TBC1D22A: variants seen among roughly 807,000 people sequenced by gnomAD.
The protein encoded by TBC1D22A is TBC1 domain family member 22A.
In TBC1D22A, 38 loss-of-function variants were observed where a neutral mutation model predicts 60.2. The observed-to-expected ratio is 0.63, with a 90% CI of 0.49 to 0.83. The LOEUF (loss-of-function observed/expected upper bound fraction) is 0.83. Ranked by LOEUF, TBC1D22A falls within the 40% of genes least tolerant of loss-of-function variation. The probability of loss-of-function intolerance (pLI) is 0.00; values close to 1 mark genes in which losing one functional copy is unlikely to be tolerated. For missense variants in TBC1D22A, 628 were observed against 701.0 expected, an observed-to-expected ratio of 0.90 and a Z score of 1.18; for synonymous variants, 302 against 281.7, an observed-to-expected ratio of 1.07 and a Z score of -0.72.
At chr22:47,060,203 C>T (rs570053304) in intron 11 of TBC1D22A, among the ~76,000 whole-genome samples, 4 of 151,834 alleles carry the variant, frequency 2.6e-5, no homozygotes, top group African/African-American at 7.3e-5. Context: ...TCAGGCCTCC[C>T]TTCAGCCTCT....
intron 7 of TBC1D22A, among the ~76,000 whole-genome samples, chr22:46,897,916 C>T (rs949573640): frequency 1.4e-4 from 21 of 151,570 alleles, no homozygotes; most frequent in African/African-American, 4.8e-4. Flanking sequence ...TAAAAAAAAA[C>T]TTTAGGATTG....
chr22:46,979,555 C>CT (rs2074432362), intron 9 of TBC1D22A, among the ~76,000 whole-genome samples: 1 of 152,212 alleles, frequency 6.6e-6, no homozygotes, highest in African/African-American at 2.4e-5. Flanking sequence ...TTTCCGTGTT[C>CT]TTCCACGTGT....
intron 8 of TBC1D22A, among the ~76,000 whole-genome samples, chr22:46,937,563 T>C (rs1264203578): frequency 1.3e-5 from 2 of 152,112 alleles, no homozygotes; most frequent in Non-Finnish European, 2.9e-5. Flanking sequence ...ATAATCGTTA[T>C]TTTAGAATGT....
At chr22:47,173,453 C>T (rs1478389878) in intron 12 of TBC1D22A, 45 bp from the exon 13 acceptor site, 1 of 1,606,140 alleles carries the variant, frequency 6.2e-7, no homozygotes, top group Admixed American at 1.7e-5. Flanking sequence ...CCGCCCTCCA[C>T]CGTGGGTCAC....
chr22:47,000,836 G>GA (rs55692041), intron 10 of TBC1D22A, among the ~76,000 whole-genome samples: 64 of 141,216 alleles, frequency 4.5e-4, no homozygotes, highest in South Asian at 6.9e-4. Flanking sequence ...AAAGCAAAAA[G>GA]AAAAAAAAAA....
At chr22:47,080,101 T>G (rs941663380) in intron 11 of TBC1D22A, among the ~76,000 whole-genome samples, 1 of 152,336 alleles carries the variant, frequency 6.6e-6, no homozygotes, top group Middle Eastern at 3.4e-3. Context: ...CCTAAATGTG[T>G]TAACAGGACT....
intron 8 of TBC1D22A, among the ~76,000 whole-genome samples, chr22:46,937,941 T>C (rs1342539146): frequency 6.6e-6 from 1 of 152,236 alleles, no homozygotes; most frequent in East Asian, 1.9e-4. Flanking sequence ...ATCTGAGTTT[T>C]AAACTAAGTA....
intron 11 of TBC1D22A, among the ~76,000 whole-genome samples, chr22:47,103,907 CATT>C (rs1352108604): frequency 6.6e-6 from 1 of 152,084 alleles, no homozygotes; most frequent in Non-Finnish European, 1.5e-5. Flanking sequence ...TTTGGGATAA[CATT>C]ATATGACAAA....
intron 6 of TBC1D22A, 89 bp downstream of exon 6, chr22:46,891,483 G>T: frequency 1.4e-6 from 2 of 1,421,438 alleles, no homozygotes; most frequent in Non-Finnish European, 1.9e-6. Flanking sequence ...AAAACCATGT[G>T]GAGTTGGTCA....
chr22:47,048,132 G>A (rs564319602), intron 11 of TBC1D22A, among the ~76,000 whole-genome samples: 1 of 152,218 alleles, frequency 6.6e-6, no homozygotes, highest in Non-Finnish European at 1.5e-5. Context: ...CGGTTCCTGG[G>A]ACTCAGCTCT....
intron 12 of TBC1D22A, among the ~76,000 whole-genome samples, chr22:47,148,115 T>C (rs1315051948): frequency 6.6e-6 from 1 of 151,774 alleles, no homozygotes; most frequent in Non-Finnish European, 1.5e-5. Context: ...TGATGAAAAA[T>C]GAAGCATCTC....
chr22:46,851,800 ACGGCT>A (rs1184699119), intron 4 of TBC1D22A, among the ~76,000 whole-genome samples: 3 of 152,248 alleles, frequency 2.0e-5, no homozygotes, highest in Admixed American at 6.5e-5. Flanking sequence ...GAAGGGGTAC[ACGGCT>A]CAGCATACAG....
intron 8 of TBC1D22A, among the ~76,000 whole-genome samples, chr22:46,936,583 C>T (rs1403187565): frequency 1.3e-5 from 2 of 152,258 alleles, no homozygotes; most frequent in Non-Finnish European, 2.9e-5. Context: ...ACAAGCGGAG[C>T]GTGAGACAGA....
At chr22:46,919,800 T>C (rs2070631944) in intron 8 of TBC1D22A, among the ~76,000 whole-genome samples, 1 of 151,814 alleles carries the variant, frequency 6.6e-6, no homozygotes, top group Admixed American at 6.6e-5. Context: ...TGCCTCTTAC[T>C]CTCAAACTGT....
At chr22:46,778,546 CT>C (rs2083799773) in intron 1 of TBC1D22A, among the ~76,000 whole-genome samples, 1 of 152,134 alleles carries the variant, frequency 6.6e-6, no homozygotes, top group Non-Finnish European at 1.5e-5. Context: ...GTCAGTGCCA[CT>C]GGCTTCCACC....
intron 4 of TBC1D22A, among the ~76,000 whole-genome samples, chr22:46,826,261 G>A (rs551149558): frequency 6.6e-6 from 1 of 152,272 alleles, no homozygotes; most frequent in African/African-American, 2.4e-5. Context: ...GTACCAATGT[G>A]GGGTTCCATT....
chr22:47,010,879 A>G (rs1444332768), intron 10 of TBC1D22A, among the ~76,000 whole-genome samples: 3 of 152,346 alleles, frequency 2.0e-5, no homozygotes, highest in Admixed American at 2.0e-4. Flanking sequence ...CCCAAAAATA[A>G]TATATTAGGA....
chr22:46,991,066 C>T (rs1184969417), intron 9 of TBC1D22A, among the ~76,000 whole-genome samples: 1 of 152,158 alleles, frequency 6.6e-6, no homozygotes, highest in Non-Finnish European at 1.5e-5. Flanking sequence ...TGGGTTTGCA[C>T]TCTATATGGG....
intron 4 of TBC1D22A, among the ~76,000 whole-genome samples, chr22:46,810,357 G>A (rs1042192358): frequency 7.2e-5 from 11 of 151,792 alleles, no homozygotes; most frequent in African/African-American, 2.2e-4. Flanking sequence ...TTATATAGAC[G>A]TGTGTTAATA....
Sources: gnomAD v4.1 joint callset for allele counts (sites outside exome capture counted in the v4.1 genomes callset) on GRCh38, gnomAD v4.1.1 for gene constraint, MANE v1.5 for transcripts, NCBI Gene and HGNC (gene_info 2026-07-23, HGNC 2026-07-21) for gene names.